ANK1: variants seen among roughly 807,000 people sequenced by gnomAD.
The protein encoded by ANK1 is ankyrin 1.
Under a neutral mutation model 210.4 loss-of-function variants are expected in ANK1, and 51 were observed. The observed-to-expected ratio is 0.24, with a 90% CI of 0.19 to 0.31. The LOEUF is 0.31. ANK1 is among the 10% of genes least tolerant of loss of function. The probability of loss-of-function intolerance (pLI) is 1.00; values close to 1 mark genes in which losing one functional copy is unlikely to be tolerated. For missense variants in ANK1, 2,051 were observed against 2,504.4 expected (o/e 0.82, Z 3.86); for synonymous variants, 967 against 1,025.9 (o/e 0.94, Z 1.10).
intron 2 of ANK1, among the ~76,000 whole-genome samples, chr8:41,744,805 G>A (rs1229892950): frequency 1.3e-5 from 2 of 152,168 alleles, no homozygotes; most frequent in Non-Finnish European, 2.9e-5. Flanking sequence ...AAAGTGCTGG[G>A]ATTACAGGCG....
At chr8:41,812,743 G>C (rs1009030461) in intron 1 of ANK1, among the ~76,000 whole-genome samples, 4 of 152,128 alleles carry the variant, frequency 2.6e-5, no homozygotes, top group African/African-American at 9.7e-5. Context: ...GATGGTTTCA[G>C]GATGAAACTG....
chr8:41,688,617 T>G (rs1231136606), intron 33 of ANK1, 28 bp from the exon 34 acceptor site: 1 of 1,601,894 alleles, frequency 6.2e-7, no homozygotes, highest in South Asian at 1.1e-5. Context: ...GTGCTTTGGG[T>G]TTTGGACTCT....
chr8:41,708,041 T>C (rs1027575123), intron 17 of ANK1, among the ~76,000 whole-genome samples: 2 of 152,172 alleles, frequency 1.3e-5, no homozygotes, highest in Non-Finnish European at 2.9e-5. Flanking sequence ...AAGTGACTGC[T>C]AACGGGTACG....
At chr8:41,703,450 A>ATATATATATTT (rs59985416) in intron 20 of ANK1, among the ~76,000 whole-genome samples, 12 of 58,816 alleles carry the variant, frequency 2.0e-4, no homozygotes, top group South Asian at 6.3e-4. Flanking sequence ...ATATATATAT[A>ATATATATATTT]TTTTTTTTTT....
chr8:41,752,030 C>T (rs1008129404), intron 2 of ANK1, among the ~76,000 whole-genome samples: 3 of 152,152 alleles, frequency 2.0e-5, no homozygotes, highest in African/African-American at 4.8e-5. Context: ...GCACGTGTTT[C>T]CTGCTCTCCC....
intron 1 of ANK1, among the ~76,000 whole-genome samples, chr8:41,774,783 C>T (rs963817558): frequency 1.3e-5 from 2 of 152,238 alleles, no homozygotes; most frequent in African/African-American, 4.8e-5. Context: ...GCCACATTTC[C>T]CCACTGCGCA....
intron 42 of ANK1, among the ~76,000 whole-genome samples, chr8:41,656,121 C>T (rs1036293575): frequency 6.6e-6 from 1 of 152,262 alleles, no homozygotes; most frequent in Non-Finnish European, 1.5e-5. Context: ...GGGGAGACAT[C>T]CCCCAGCAGA....
At chr8:41,758,009 C>T in intron 2 of ANK1, 27 bp downstream of exon 2, 1 of 1,592,252 alleles carries the variant, frequency 6.3e-7, no homozygotes, top group African/African-American at 1.3e-5. Flanking sequence ...TCTTCAGAGA[C>T]AACAGGCCTG....
At chr8:41,835,352 T>C (rs1392827237) in intron 1 of ANK1, among the ~76,000 whole-genome samples, 2 of 152,180 alleles carry the variant, frequency 1.3e-5, no homozygotes, top group Non-Finnish European at 2.9e-5. Context: ...CTCCAGAGGC[T>C]GATGCAGGAG....
intron 1 of ANK1, among the ~76,000 whole-genome samples, chr8:41,830,737 G>A (rs775571712): frequency 6.6e-6 from 1 of 152,116 alleles, no homozygotes; most frequent in Non-Finnish European, 1.5e-5. Flanking sequence ...CCAAAGAAAC[G>A]CAGACACCAG....
At chr8:41,865,610 C>A (rs1814261820) in intron 1 of ANK1, among the ~76,000 whole-genome samples, 1 of 152,102 alleles carries the variant, frequency 6.6e-6, no homozygotes. Context: ...TAACTCCCTC[C>A]CCTCCTCTGA....
chr8:41,673,211 T>G (rs1166432824), intron 37 of ANK1, among the ~76,000 whole-genome samples: 1 of 152,128 alleles, frequency 6.6e-6, no homozygotes, highest in Non-Finnish European at 1.5e-5. Flanking sequence ...GACTTTCTTA[T>G]CCAGTTCAGA....
chr8:41,855,120 A>T (rs1028307864), intron 1 of ANK1, among the ~76,000 whole-genome samples: 4 of 152,214 alleles, frequency 2.6e-5, no homozygotes, highest in Non-Finnish European at 5.9e-5. Context: ...TGTATTCCCA[A>T]CTGCAGTGTC....
chr8:41,757,094 A>G (rs139563075), intron 2 of ANK1, among the ~76,000 whole-genome samples: 2 of 152,292 alleles, frequency 1.3e-5, no homozygotes, highest in Non-Finnish European at 2.9e-5. Flanking sequence ...TTGCAACATG[A>G]AAAGAGTTCT....
chr8:41,870,528 C>T (rs1815269202), intron 1 of ANK1, among the ~76,000 whole-genome samples: 1 of 152,210 alleles, frequency 6.6e-6, no homozygotes, highest in African/African-American at 2.4e-5. Flanking sequence ...ATCAAGGGGA[C>T]TCTCTAAGCT....
chr8:41,745,096 AC>A (rs1449429439), intron 2 of ANK1, among the ~76,000 whole-genome samples: 3 of 37,424 alleles, frequency 8.0e-5, no homozygotes, highest in Admixed American at 3.2e-4. Context: ...GAGAAAACAG[AC>A]AGAGACAGAG....
chr8:41,720,879 C>T (rs926286623), intron 9 of ANK1, among the ~76,000 whole-genome samples: 9 of 152,044 alleles, frequency 5.9e-5, no homozygotes, highest in Admixed American at 3.9e-4. Flanking sequence ...TTCGACAGTC[C>T]GGGGTGAGGT....
chr8:41,852,666 C>T (rs1288923786), intron 1 of ANK1, among the ~76,000 whole-genome samples: 1 of 152,238 alleles, frequency 6.6e-6, no homozygotes, highest in Non-Finnish European at 1.5e-5. Flanking sequence ...AGGGAAACAT[C>T]CTTTGCCTGG....
intron 9 of ANK1, among the ~76,000 whole-genome samples, chr8:41,722,343 G>A (rs780034134): frequency 3.3e-5 from 5 of 152,184 alleles, no homozygotes; most frequent in South Asian, 2.1e-4. Context: ...ATAATGTGTC[G>A]GGAATAAATC....
Sources: gnomAD v4.1 joint callset for allele counts (sites outside exome capture counted in the v4.1 genomes callset) on GRCh38, gnomAD v4.1.1 for gene constraint, MANE v1.5 for transcripts, NCBI Gene and HGNC (gene_info 2026-07-23, HGNC 2026-07-21) for gene names.